MAPK9: variants seen among roughly 807,000 people sequenced by gnomAD.
The protein encoded by MAPK9 is mitogen-activated protein kinase 9, also known as Jun kinase.
MAPK9 carries 30 observed loss-of-function variants against 57.1 expected under a neutral mutation model. That is an observed-to-expected ratio of 0.53 (90% confidence interval 0.39 to 0.71). The LOEUF (loss-of-function observed/expected upper bound fraction) is 0.71. MAPK9 is among the 30% of genes least tolerant of loss of function. The pLI is 0.00. For missense variants in MAPK9, 362 were observed against 521.0 expected (o/e 0.69, Z 2.97); for synonymous variants, 155 against 177.0 (o/e 0.88, Z 0.99).
chr5:180,289,853 G>A (rs1763079800), intron 1 of MAPK9, among the ~76,000 whole-genome samples: 1 of 152,144 alleles, frequency 6.6e-6, no homozygotes, highest in South Asian at 2.1e-4. Flanking sequence ...GAACAAATGT[G>A]GAGTGCTGCC....
Position 180,280,592 on chromosome 5 carries a change from G to A in MAPK9, c.-31C>T. 1 of 1,602,148 alleles carries A rather than the reference G, an allele frequency of 6.2e-7. No individual in the cohort carries two copies. The highest frequency in any genetic ancestry group is 8.5e-7 in the Non-Finnish European group (1 of 1,173,766). Reference sequence around the variant, plus strand: ...AGCGTCCTGCAATATCCCGAAGGGTGGGCAAGTTTCAGATCCCTTCAAAGA... The same window carrying A: ...AGCGTCCTGCAATATCCCGAAGGGTAGGCAAGTTTCAGATCCCTTCAAAGA... On this transcript the variant is annotated 5_prime_UTR_variant, in exon 2 of 12. Transcript: ENST00000452135.
chr5:180,278,091 C>A (rs1178723720), intron 2 of MAPK9, among the ~76,000 whole-genome samples: 1 of 152,168 alleles, frequency 6.6e-6, no homozygotes, highest in African/African-American at 2.4e-5. Context: ...TTCATTATTA[C>A]TAAGATTCTA....
In MAPK9 at chr5:180,236,218, T is replaced by A. The variant is rs925759758; in HGVS notation, c.*166A>T. ...TCTTCAGACATATTCTGCCTCATTT[T>A]ATCATCTAAGCAGGCAATCCTATCA... is the stretch of plus-strand genomic sequence containing the variant. On this transcript the variant is annotated 3_prime_UTR_variant, in exon 12 of 12. Coordinates refer to ENST00000452135, the MANE Select transcript of MAPK9 (RefSeq NM_002752.5). 8 of 650,644 alleles carry A rather than the reference T, an allele frequency of 1.2e-5. No individual in the cohort carries two copies. The highest frequency in any genetic ancestry group is 6.6e-5 in the East Asian group (2 of 30,308). The allele number at this position is 650,644 out of a possible 1,614,324, so 40.3% of individuals were successfully genotyped here.
intron 8 of MAPK9, among the ~76,000 whole-genome samples, chr5:180,241,932 A>T (rs967356147): frequency 2.0e-4 from 30 of 152,254 alleles, no homozygotes; most frequent in African/African-American, 7.0e-4. Context: ...CCACAGGATA[A>T]AACACTCACA....
Position 180,269,428 on chromosome 5 carries a change from A to T in MAPK9, c.123-19T>A. The T allele has an allele frequency of 6.2e-7, 1 of 1,611,490 alleles. No homozygotes were observed. Among genetic ancestry groups the T allele is most frequent in the Non-Finnish European group, 8.5e-7 (1 of 1,177,824 alleles). ...TGCAGCACTAGAATTAGGAAATATAATGCACAATCCATTAGAACGGTTTTG... is the reference window on the plus strand; with the variant it reads ...TGCAGCACTAGAATTAGGAAATATATTGCACAATCCATTAGAACGGTTTTG... On this transcript the variant is annotated intron_variant, in intron 2 of 11. Coordinates refer to ENST00000452135, the MANE Select transcript of MAPK9 (RefSeq NM_002752.5).
Position 180,249,030 on chromosome 5 carries a change from C to G in MAPK9, c.559G>C (p.Val187Leu). The change falls in exon 6 of 12, where the codon GTG (valine) becomes CTG (leucine). Residue 187 changes from valine to leucine, a missense_variant. Around this residue, in one of 3 missense-constraint regions of MAPK9, gnomAD observed 127 missense variants for 231.7 expected, o/e 0.55. Coordinates refer to ENST00000452135, the MANE Select transcript of MAPK9 (RefSeq NM_002752.5). ...CTNFMMTPYV[V>L]TRYYRAPEVI... is the part of the protein sequence containing the mutation. ...TCGGGCGCCCGGTAGTACCGTGTCA[C>G]CACGTAAGGGGTCATCATGAAGTTA... The G allele has an allele frequency of 6.2e-7, 1 of 1,613,788 alleles. No homozygotes were observed. The highest frequency in any genetic ancestry group is 8.5e-7 in the Non-Finnish European group (1 of 1,179,854).
At chr5:180,240,946 T>C (rs1283928196) in intron 9 of MAPK9, 85 bp downstream of exon 9, 1 of 1,425,638 alleles carries the variant, frequency 7.0e-7, no homozygotes, top group African/African-American at 1.5e-5. Context: ...GCTACCCATA[T>C]GTAGCCACTC....
chr5:180,248,022 G>C (rs1758293785), intron 6 of MAPK9: 1 of 1,117,082 alleles, frequency 9.0e-7, no homozygotes, highest in African/African-American at 1.6e-5. Flanking sequence ...TCACTAGCTT[G>C]CCGGCGGGAG....
In MAPK9 at chr5:180,236,518, C is replaced by T. The variant is rs147124741; in HGVS notation, c.1141G>A (p.Val381Ile). The T allele has an allele frequency of 6.2e-7, 1 of 1,613,754 alleles. No individual in the cohort carries two copies. Among genetic ancestry groups the T allele is most frequent in the South Asian group, 1.1e-5 (1 of 91,040 alleles). ...TGAGAAGGAGTGGCGTTGCTACTTA[C>T]TGCTGCATCTGTGCTAAGAAAACCA... is the stretch of plus-strand genomic sequence containing the variant. ...VVKDQPSDAA[V>I]SSNATPSQSS... The change falls in exon 12 of 12, where the codon GTA (valine) becomes ATA (isoleucine). Residue 381 changes from valine to isoleucine, a missense_variant. Physicochemically the swap from Val to Ile is conservative, Grantham distance 29 (BLOSUM62 3). Coordinates refer to ENST00000452135, the MANE Select transcript of MAPK9 (RefSeq NM_002752.5).
intron 1 of MAPK9, among the ~76,000 whole-genome samples, chr5:180,289,117 A>G (rs775248964): frequency 5.3e-5 from 8 of 152,238 alleles, no homozygotes; most frequent in Non-Finnish European, 1.0e-4. Flanking sequence ...AGTCTCAAGA[A>G]GAAAAAAAAT....
At chr5:180,286,877 T>A (rs565639513) in intron 1 of MAPK9, 1 of 152,348 alleles carries the variant, frequency 6.6e-6, no homozygotes, top group South Asian at 2.1e-4. Context: ...AGTGCCAAAC[T>A]AGAAACAACC....
At position 180,269,348 on chromosome 5, in the gene MAPK9, G is replaced by C. The variant is rs766319622; in HGVS notation, c.184C>G (p.Gln62Glu). The C allele has an allele frequency of 1.2e-6, 2 of 1,614,012 alleles. No individual in the cohort carries two copies. Among genetic ancestry groups the C allele is most frequent in the South Asian group, 2.2e-5 (2 of 91,080 alleles). ...GCTCTCTTTGCATGAGTTTGGTTCT[G>C]AAAAGGACGGCTTAGTTTCTTGACT... is the stretch of plus-strand genomic sequence containing the variant. ...VAVKKLSRPF[Q>E]NQTHAKRAYR... The change falls in exon 3 of 12, where the codon CAG (glutamine) becomes GAG (glutamate). Residue 62 changes from glutamine (Q) to glutamate (E), a missense_variant. By Grantham distance (29) the Gln-to-Glu change is conservative (BLOSUM62 2). Transcript: ENST00000452135.
At chr5:180,241,272 G>T in intron 8 of MAPK9, 117 bp from the exon 9 acceptor site, 12 of 1,043,146 alleles carry the variant, frequency 1.2e-5, no homozygotes, top group South Asian at 1.9e-5. Context: ...TTTGAGAAAT[G>T]TTTGATAGGT....
intron 3 of MAPK9, among the ~76,000 whole-genome samples, chr5:180,267,680 G>T (rs7713083): frequency 0.59 from 89,924 of 151,768 alleles, 26,849 homozygotes; most frequent in East Asian, 0.82. Context: ...GCCTAGACAA[G>T]GTGGTAAGAC....
chr5:180,248,067 G>T, intron 6 of MAPK9: 1 of 677,906 alleles, frequency 1.5e-6, no homozygotes, highest in Non-Finnish European at 2.4e-6. Context: ...CCTCCTGAGC[G>T]ATCATTTTCT....
chr5:180,254,734 C>T (rs910133648), intron 5 of MAPK9, among the ~76,000 whole-genome samples: 1 of 152,106 alleles, frequency 6.6e-6, no homozygotes, highest in African/African-American at 2.4e-5. Flanking sequence ...AACCACAGCA[C>T]TTAAAAAAGG....
chr5:180,262,199 C>A (rs746196864), intron 4 of MAPK9, among the ~76,000 whole-genome samples: 45 of 152,050 alleles, frequency 3.0e-4, no homozygotes, highest in Non-Finnish European at 6.2e-4. Flanking sequence ...AGGCTCTGCA[C>A]GTAAGGGGCT....
intron 3 of MAPK9, among the ~76,000 whole-genome samples, chr5:180,267,506 G>A (rs1017332392): frequency 7.4e-5 from 11 of 147,920 alleles, no homozygotes; most frequent in South Asian, 4.3e-4. Flanking sequence ...AGCTTGCAGT[G>A]AGCTGAGATC....
intron 7 of MAPK9, among the ~76,000 whole-genome samples, chr5:180,245,042 T>C (rs1757975621): frequency 6.6e-6 from 1 of 152,192 alleles, no homozygotes; most frequent in South Asian, 2.1e-4. Flanking sequence ...TTTCCTTCCC[T>C]ATTCCCTTTG....
Sources: allele counts gnomAD v4.1 joint callset (sites outside exome capture counted in the v4.1 genomes callset), GRCh38; gene constraint gnomAD v4.1.1; regional missense constraint gnomAD v4.1.1; transcripts MANE v1.5; gene names NCBI Gene and HGNC (gene_info 2026-07-23, HGNC 2026-07-21).